Variants in IFTAP observed in about 807,000 individuals in gnomAD.
The protein encoded by IFTAP is intraflagellar transport-associated protein.
Under a neutral mutation model 19.4 loss-of-function variants are expected in IFTAP, and 19 were observed. That is an observed-to-expected ratio of 0.98 (90% CI 0.68 to 1.44). IFTAP has a LOEUF of 1.44. Among genes scored for constraint, IFTAP ranks in the 40% most tolerant of loss-of-function variants. The probability of loss-of-function intolerance (pLI) is 0.00; values close to 1 mark genes in which losing one functional copy is unlikely to be tolerated. For missense variants in IFTAP, 240 were observed against 253.6 expected, an observed-to-expected ratio of 0.95 and a Z score of 0.36; for synonymous variants, 85 against 83.5, an observed-to-expected ratio of 1.02 and a Z score of -0.10.
At chr11:36,653,521 C>T (rs1853834216) in intron 5 of IFTAP, among the ~76,000 whole-genome samples, 1 of 152,082 alleles carries the variant, frequency 6.6e-6, no homozygotes, top group Non-Finnish European at 1.5e-5. Flanking sequence ...ATCTAAAAAC[C>T]TTGGCATCTT....
intron 2 of IFTAP, among the ~76,000 whole-genome samples, chr11:36,624,659 GA>G (rs1369897734): frequency 1.3e-5 from 2 of 152,182 alleles, no homozygotes; most frequent in African/African-American, 2.4e-5. Flanking sequence ...TATGGTAGCT[GA>G]AATCAGCCTT....
intron 3 of IFTAP, among the ~76,000 whole-genome samples, chr11:36,634,601 G>A (rs922129359): frequency 4.6e-5 from 7 of 152,062 alleles, no homozygotes; most frequent in East Asian, 1.9e-4. Flanking sequence ...GATGGATGAA[G>A]GCCAAAAAGT....
intron 1 of IFTAP, among the ~76,000 whole-genome samples, chr11:36,605,075 A>G (rs894647021): frequency 7.2e-5 from 11 of 151,922 alleles, no homozygotes; most frequent in African/African-American, 2.7e-4. Context: ...TTACACAAAT[A>G]TAAAAGGACA....
chr11:36,631,821 G>A (rs954261050), intron 2 of IFTAP, among the ~76,000 whole-genome samples: 1 of 150,864 alleles, frequency 6.6e-6, no homozygotes, highest in East Asian at 1.9e-4. Flanking sequence ...GATCATTGAC[G>A]TAGGTTCCTG....
intron 3 of IFTAP, among the ~76,000 whole-genome samples, chr11:36,634,912 C>A (rs1852876915): frequency 6.6e-6 from 1 of 151,974 alleles, no homozygotes; most frequent in East Asian, 1.9e-4. Context: ...GAAAGGGGTG[C>A]TTTGATAGAG....
intron 5 of IFTAP, among the ~76,000 whole-genome samples, chr11:36,650,802 G>A (rs924382470): frequency 3.0e-4 from 45 of 151,908 alleles, no homozygotes; most frequent in Non-Finnish European, 5.1e-4. Flanking sequence ...GAGAACATGC[G>A]GTGTTTGGTT....
intron 1 of IFTAP, among the ~76,000 whole-genome samples, chr11:36,600,751 C>A (rs1851476813): frequency 6.6e-6 from 1 of 152,172 alleles, no homozygotes; most frequent in African/African-American, 2.4e-5. Flanking sequence ...GTTGCTCAGC[C>A]CATTTTTAAG....
chr11:36,599,601 A>G (rs1437913258), intron 1 of IFTAP, among the ~76,000 whole-genome samples: 1 of 152,188 alleles, frequency 6.6e-6, no homozygotes, highest in Non-Finnish European at 1.5e-5. Flanking sequence ...TGCATAAGTG[A>G]CTAATTTTTT....
At chr11:36,622,646 G>A (rs1351068818) in intron 2 of IFTAP, among the ~76,000 whole-genome samples, 1 of 152,024 alleles carries the variant, frequency 6.6e-6, no homozygotes, top group Non-Finnish European at 1.5e-5. Flanking sequence ...GTCTCAAATG[G>A]TTGTGGTGAG....
intron 2 of IFTAP, among the ~76,000 whole-genome samples, chr11:36,626,237 A>G (rs1209598350): frequency 6.6e-6 from 1 of 151,474 alleles, no homozygotes; most frequent in East Asian, 1.9e-4. Flanking sequence ...AATAGATCAG[A>G]CATTTTTGGC....
chr11:36,655,112 A>G (rs1853919359), intron 5 of IFTAP, among the ~76,000 whole-genome samples: 1 of 152,102 alleles, frequency 6.6e-6, no homozygotes, highest in South Asian at 2.1e-4. Context: ...GTGACTTTTC[A>G]TCATCTCTAG....
At chr11:36,658,374 T>C (rs1036205364) in intron 5 of IFTAP, among the ~76,000 whole-genome samples, 2 of 152,188 alleles carry the variant, frequency 1.3e-5, no homozygotes, top group Admixed American at 6.5e-5. Flanking sequence ...AACTCACAAA[T>C]TATGAATAGA....
chr11:36,651,238 G>C (rs1373767501), intron 5 of IFTAP, among the ~76,000 whole-genome samples: 2 of 152,088 alleles, frequency 1.3e-5, no homozygotes, highest in African/African-American at 2.4e-5. Flanking sequence ...ACTTTTTAAT[G>C]ATCACCATTC....
chr11:36,625,560 C>CA (rs1852478978), intron 2 of IFTAP, among the ~76,000 whole-genome samples: 2 of 152,132 alleles, frequency 1.3e-5, no homozygotes, highest in Non-Finnish European at 2.9e-5. Context: ...TTTTGTGGGA[C>CA]ATTTGAATTA....
rs559611628 is a variant in IFTAP, at chr11:36,599,687, C to G, written c.-24+5095C>G. Among the ~76,000 whole-genome samples the G allele has an allele frequency of 4.3e-4, 65 of 151,890 alleles. 1 individual carries two copies. Among genetic ancestry groups the G allele is most frequent in the Admixed American group, 3.2e-3 (49 of 15,258 alleles). On this transcript the variant is annotated intron_variant, in intron 1 of 5. Transcript: ENST00000334307. ...ATGTAGCTCAGTTGATTGGTTGATT[C>G]TCATCATTTGAAATGTCGATCCATC...
chr11:36,639,587 ACGAGAGAGGAAC>A (rs1031211948), intron 4 of IFTAP, among the ~76,000 whole-genome samples: 6 of 152,168 alleles, frequency 3.9e-5, no homozygotes, highest in Non-Finnish European at 7.3e-5. Context: ...AAACTGCATG[ACGAGAGAGGAAC>A]CGAGAGAGAG....
chr11:36,625,329 A>G (rs1231286125), intron 2 of IFTAP, among the ~76,000 whole-genome samples: 1 of 152,156 alleles, frequency 6.6e-6, no homozygotes, highest in Non-Finnish European at 1.5e-5. Flanking sequence ...ATTCATTTAT[A>G]TATTCAGCAA....
chr11:36,609,937 C>A, intron 1 of IFTAP, 144 bp from the exon 2 acceptor site: 2 of 647,664 alleles, frequency 3.1e-6, no homozygotes, highest in South Asian at 2.2e-5. Context: ...AAACTCTGGT[C>A]TCTTGAACTA....
At chr11:36,638,041 T>C (rs1034159275) in intron 4 of IFTAP, among the ~76,000 whole-genome samples, 2 of 151,952 alleles carry the variant, frequency 1.3e-5, no homozygotes, top group Non-Finnish European at 2.9e-5. Context: ...CTGCCATGCC[T>C]GGCTAATTTT....
Sources: gnomAD v4.1 joint callset for allele counts (sites outside exome capture counted in the v4.1 genomes callset) on GRCh38, gnomAD v4.1.1 for gene constraint, MANE v1.5 for transcripts, NCBI Gene and HGNC (gene_info 2026-07-23, HGNC 2026-07-21) for gene names.